Variants in ZMIZ1 observed in about 807,000 individuals in gnomAD.
ZMIZ1 encodes the protein zinc finger MIZ domain-containing protein 1.
A neutral mutation model predicts 113.9 loss-of-function variants in ZMIZ1; 17 were observed. The ratio of observed to expected loss-of-function variants is 0.15; its 90% CI spans 0.10 to 0.22. The LOEUF is 0.22. ZMIZ1 is among the 10% of genes least tolerant of loss of function. The pLI is 1.00. For synonymous variants in ZMIZ1, 607 were observed against 603.1 expected (o/e 1.01, Z -0.09); for missense variants, 1,059 against 1,477.8 (o/e 0.72, Z 4.65).
At chr10:79,304,378 C>G (rs1163259253) in intron 19 of ZMIZ1, among the ~76,000 whole-genome samples, 1 of 152,264 alleles carries the variant, frequency 6.6e-6, no homozygotes, top group Non-Finnish European at 1.5e-5. Context: ...AAAGGGGCTA[C>G]AGAAATGGGT....
At position 79,121,783 on chromosome 10, in the gene ZMIZ1, C is replaced by T. The variant is rs1318692249; in HGVS notation, c.-227+2759C>T. Among the ~76,000 whole-genome samples, 24 of 152,248 alleles carry T rather than the reference C, an allele frequency of 1.6e-4. No individual in the cohort carries two copies. The East Asian group carries it at 2.3e-3, about 15-fold the overall frequency. ...AAGGATCCCCGGGAGGTGATATTTA[C>T]GCTGGGCCTTGGAAAGAGGAGAAAT... is the stretch of plus-strand genomic sequence containing the variant. On this transcript the variant is annotated intron_variant, in intron 2 of 24. Transcript: ENST00000334512.
chr10:79,311,223 G>C (rs767725237), intron 24 of ZMIZ1, 39 bp downstream of exon 24: 3 of 1,565,728 alleles, frequency 1.9e-6, no homozygotes, highest in Non-Finnish European at 2.6e-6. Context: ...CTGGGGCTAG[G>C]CCTGGCGCCG....
intron 7 of ZMIZ1, among the ~76,000 whole-genome samples, chr10:79,230,973 G>A (rs1849372013): frequency 6.6e-6 from 1 of 152,248 alleles, no homozygotes; most frequent in South Asian, 2.1e-4. Flanking sequence ...TCCTCCGAGG[G>A]CACTCATGCC....
At chr10:79,116,457 G>A (rs1331007546) in intron 1 of ZMIZ1, among the ~76,000 whole-genome samples, 2 of 152,134 alleles carry the variant, frequency 1.3e-5, no homozygotes, top group Non-Finnish European at 2.9e-5. Flanking sequence ...GGGAGGTCAG[G>A]GAGGGCCTCC....
At chr10:79,199,862 A>G (rs1259973243) in intron 4 of ZMIZ1, among the ~76,000 whole-genome samples, 1 of 152,234 alleles carries the variant, frequency 6.6e-6, no homozygotes, top group East Asian at 1.9e-4. Flanking sequence ...CCTTTAAAGC[A>G]ATTGGAGGAG....
At chr10:79,084,897 A>C (rs969956891) in intron 1 of ZMIZ1, among the ~76,000 whole-genome samples, 1 of 150,056 alleles carries the variant, frequency 6.7e-6, no homozygotes, top group Non-Finnish European at 1.5e-5. Flanking sequence ...AGGCAGCAGG[A>C]GGGTGGGTTG....
At chr10:79,304,703 A>C (rs1232852239) in intron 19 of ZMIZ1, among the ~76,000 whole-genome samples, 2 of 152,214 alleles carry the variant, frequency 1.3e-5, no homozygotes, top group Non-Finnish European at 2.9e-5. Flanking sequence ...CTGAGGGTGC[A>C]GTGGGACAGG....
chr10:79,267,589 A>G (rs1010534456), intron 7 of ZMIZ1, among the ~76,000 whole-genome samples: 4 of 152,214 alleles, frequency 2.6e-5, no homozygotes, highest in African/African-American at 9.6e-5. Context: ...AGCTAAAGTA[A>G]CTTACCCAAG....
intron 3 of ZMIZ1, among the ~76,000 whole-genome samples, chr10:79,155,572 C>T (rs890583426): frequency 3.5e-4 from 54 of 152,358 alleles, no homozygotes; most frequent in African/African-American, 1.1e-3. Context: ...AGCCAGGGCA[C>T]GGCTGAGGCA....
At position 79,226,285 on chromosome 10, in the gene ZMIZ1, C is replaced by T. The variant is rs543562244; in HGVS notation, c.280+10011C>T. ...GGACCAGAGCTCTGGCCAGGCCATC[C>T]CTGCATCTCTGCAGGTCACCAGGGA... On this transcript the variant is annotated intron_variant, in intron 7 of 24. Coordinates refer to ENST00000334512, the MANE Select transcript of ZMIZ1 (RefSeq NM_020338.4). Among the ~76,000 whole-genome samples, 7 of 152,276 alleles carry T rather than the reference C, an allele frequency of 4.6e-5. No individual in the cohort carries two copies. In the South Asian group the frequency reaches 1.5e-3, roughly 32 times the overall value.
chr10:79,154,348 T>C (rs1845820659), intron 3 of ZMIZ1, among the ~76,000 whole-genome samples: 1 of 152,058 alleles, frequency 6.6e-6, no homozygotes, highest in African/African-American at 2.4e-5. Context: ...GCAGGGCATT[T>C]AGGATTGGGG....
chr10:79,298,472 A>G lies in ZMIZ1; in HGVS notation c.1558A>G (p.Met520Val), dbSNP rs1322259573. 5 of 1,602,904 alleles carry G rather than the reference A, an allele frequency of 3.1e-6. No homozygotes were observed. The highest frequency in any genetic ancestry group is 4.3e-6 in the Non-Finnish European group (5 of 1,174,810). Residue 520 changes from methionine to valine, a missense_variant, in exon 15 of 25, where the codon ATG becomes GTG. By Grantham distance (21) the Met-to-Val change is conservative. Coordinates refer to ENST00000334512, the MANE Select transcript of ZMIZ1 (RefSeq NM_020338.4). Reference protein sequence around the residue: ...SPVPGNPTPPMTPGSSIPPYL... With the variant: ...SPVPGNPTPPVTPGSSIPPYL... ...TGTTCCAGGGAACCCCACACCCCCC[A>G]TGACCCCTGGGAGCAGCATCCCTCC...
chr10:79,133,930 G>A (rs1844881677), intron 2 of ZMIZ1, among the ~76,000 whole-genome samples: 1 of 152,164 alleles, frequency 6.6e-6, no homozygotes, highest in Non-Finnish European at 1.5e-5. Context: ...ATTTATTTCT[G>A]CTAATTAAAA....
intron 2 of ZMIZ1, among the ~76,000 whole-genome samples, chr10:79,120,867 T>G (rs1412403163): frequency 6.6e-6 from 1 of 152,164 alleles, no homozygotes; most frequent in Non-Finnish European, 1.5e-5. Flanking sequence ...ACCAAGGTGG[T>G]GGGGTCTGTG....
At chr10:79,185,212 C>T (rs1847302558) in intron 4 of ZMIZ1, among the ~76,000 whole-genome samples, 1 of 152,192 alleles carries the variant, frequency 6.6e-6, no homozygotes. Flanking sequence ...GGAAAGGAAA[C>T]CACAGCACTT....
intron 7 of ZMIZ1, among the ~76,000 whole-genome samples, chr10:79,230,633 C>T (rs1279396716): frequency 1.3e-5 from 2 of 152,214 alleles, no homozygotes; most frequent in Admixed American, 6.5e-5. Flanking sequence ...GGGAACTCCT[C>T]CCTGCACAGA....
chr10:79,094,766 C>G (rs1212242362), intron 1 of ZMIZ1, among the ~76,000 whole-genome samples: 4 of 152,176 alleles, frequency 2.6e-5, no homozygotes, highest in Non-Finnish European at 5.9e-5. Context: ...CTGGGCAACA[C>G]AGTGAAACCC....
At chr10:79,183,347 C>T (rs985026787) in intron 4 of ZMIZ1, among the ~76,000 whole-genome samples, 19 of 129,426 alleles carry the variant, frequency 1.5e-4, no homozygotes, top group Admixed American at 7.3e-4. Context: ...AGGCCTGAGG[C>T]TCGTGCACGC....
chr10:79,230,913 G>A (rs1006839075), intron 7 of ZMIZ1, among the ~76,000 whole-genome samples: 2 of 152,222 alleles, frequency 1.3e-5, no homozygotes, highest in Admixed American at 6.5e-5. Context: ...AAGAAGGAGG[G>A]CACAGGTGCC....
Sources: gnomAD v4.1 joint callset for allele counts (sites outside exome capture counted in the v4.1 genomes callset) on GRCh38, gnomAD v4.1.1 for gene constraint, MANE v1.5 for transcripts, NCBI Gene and HGNC (gene_info 2026-07-23, HGNC 2026-07-21) for gene names.